DLG1: variants seen among roughly 807,000 people sequenced by gnomAD.
The protein encoded by DLG1 is discs large MAGUK scaffold protein 1.
DLG1 carries 42 observed loss-of-function variants against 123.4 expected under a neutral mutation model. That is an observed-to-expected ratio of 0.34 (90% confidence interval 0.27 to 0.44). The LOEUF is 0.44. Ranked by LOEUF, DLG1 falls within the 20% of genes least tolerant of loss-of-function variation. DLG1 has a pLI of 1.00. For synonymous variants in DLG1, 317 were observed against 356.2 expected (o/e 0.89, Z 1.24); for missense variants, 942 against 1,082.6 (o/e 0.87, Z 1.82).
intron 7 of DLG1, among the ~76,000 whole-genome samples, chr3:197,141,482 A>T (rs547823264): frequency 7.9e-5 from 12 of 152,348 alleles, no homozygotes; most frequent in African/African-American, 2.9e-4. Context: ...CAACTTGAGC[A>T]AGTGATCCGA....
At chr3:197,113,704 T>A (rs936605788) in intron 13 of DLG1, among the ~76,000 whole-genome samples, 1 of 152,202 alleles carries the variant, frequency 6.6e-6, no homozygotes, top group Non-Finnish European at 1.5e-5. Context: ...AATTTCTGTA[T>A]CTTAAAATCG....
chr3:197,247,566 T>C (rs1752365881), intron 4 of DLG1, among the ~76,000 whole-genome samples: 1 of 152,132 alleles, frequency 6.6e-6, no homozygotes, highest in African/African-American at 2.4e-5. Flanking sequence ...ACATACTTTA[T>C]TAAAAGTTGA....
At chr3:197,148,019 C>T (rs1791833312) in intron 6 of DLG1, among the ~76,000 whole-genome samples, 1 of 151,290 alleles carries the variant, frequency 6.6e-6, no homozygotes, top group Non-Finnish European at 1.5e-5. Context: ...AAAAGATAAA[C>T]ACCTAAAAGT....
chr3:197,263,736 G>A (rs758915091), intron 4 of DLG1, among the ~76,000 whole-genome samples: 4 of 151,002 alleles, frequency 2.6e-5, no homozygotes, highest in Admixed American at 1.3e-4. Flanking sequence ...GCAGTGAGCC[G>A]AGATCTCACC....
intron 15 of DLG1, among the ~76,000 whole-genome samples, chr3:197,089,344 T>C (rs1756333050): frequency 6.6e-6 from 1 of 152,026 alleles, no homozygotes; most frequent in African/African-American, 2.4e-5. Flanking sequence ...CTGGCAAACA[T>C]GGTGAAACCC....
At chr3:197,070,427 T>A (rs1056447079) in intron 18 of DLG1, 3 of 151,468 alleles carry the variant, frequency 2.0e-5, no homozygotes, top group Admixed American at 1.3e-4. Flanking sequence ...TTTGTTTTTT[T>A]TTTTTAATAA....
chr3:197,209,209 GTATA>G (rs1730121810), intron 4 of DLG1, among the ~76,000 whole-genome samples: 1 of 146,118 alleles, frequency 6.8e-6, no homozygotes. Flanking sequence ...AAAAGAAAAG[GTATA>G]TAAACTGTAA....
chr3:197,132,456 C>A (rs1346636086), intron 10 of DLG1, among the ~76,000 whole-genome samples: 1 of 152,168 alleles, frequency 6.6e-6, no homozygotes, highest in African/African-American at 2.4e-5. Flanking sequence ...GTAAAGGTCA[C>A]AGAATAATAA....
At chr3:197,125,537 G>A (rs1486858580) in intron 11 of DLG1, among the ~76,000 whole-genome samples, 1 of 152,116 alleles carries the variant, frequency 6.6e-6, no homozygotes, top group Non-Finnish European at 1.5e-5. Context: ...AATGACTGAA[G>A]GTCAAAATGA....
At chr3:197,297,596 G>C in intron 1 of DLG1, 1 of 1,018,800 alleles carries the variant, frequency 9.8e-7, no homozygotes. Context: ...CCCTGAGCCA[G>C]CAGCGGCCGC....
At chr3:197,262,244 G>C (rs568921527) in intron 4 of DLG1, among the ~76,000 whole-genome samples, 41 of 152,234 alleles carry the variant, frequency 2.7e-4, no homozygotes, top group Admixed American at 2.4e-3. Context: ...CCAGGAAAGG[G>C]GCAGGGGTTG....
At chr3:197,268,432 T>C (rs951356867) in intron 4 of DLG1, among the ~76,000 whole-genome samples, 7 of 152,176 alleles carry the variant, frequency 4.6e-5, no homozygotes, top group Non-Finnish European at 1.0e-4. Context: ...AACATTTCTT[T>C]TTTTGGAGAC....
chr3:197,274,094 G>GA (rs1265472814), intron 4 of DLG1, among the ~76,000 whole-genome samples: 1 of 152,046 alleles, frequency 6.6e-6, no homozygotes, highest in African/African-American at 2.4e-5. Flanking sequence ...CATAGAAATA[G>GA]AAAAAACAAG....
Position 197,297,079 on chromosome 3 carries a change from G to A in DLG1, c.19+107C>T, listed in dbSNP as rs560756280. On this transcript the variant is annotated intron_variant, in intron 2 of 24. Coordinates refer to ENST00000667157, the MANE Select transcript of DLG1 (RefSeq NM_001366207.1). ...TTCCCTAAGCAATAAAGCTAGGACC[G>A]TGCTGTCTCATCAAAGTTACACAAA... 1.7e-5 allele frequency: 20 copies of A among 1,195,390 alleles called. No homozygotes were observed. In the African/African-American group the frequency reaches 3.0e-4, roughly 18 times the overall value. The allele number at this position is 1,195,390 out of a possible 1,614,324, so 74.0% of individuals were successfully genotyped here. A position where few individuals can be genotyped will look rare whatever the true frequency, so the allele number is the denominator to read the frequency against.
intron 16 of DLG1, among the ~76,000 whole-genome samples, chr3:197,084,857 G>A (rs1465410800): frequency 6.6e-6 from 1 of 151,556 alleles, no homozygotes; most frequent in Non-Finnish European, 1.5e-5. Context: ...TGCAAACTCA[G>A]GTCACTGCAA....
intron 4 of DLG1, among the ~76,000 whole-genome samples, chr3:197,258,047 C>T (rs573451903): frequency 6.6e-6 from 1 of 152,116 alleles, no homozygotes; most frequent in Non-Finnish European, 1.5e-5. Context: ...GATTAAAGTA[C>T]ATAAAAATGT....
In DLG1 at chr3:197,251,562, G is replaced by A. The variant is rs115911982; in HGVS notation, c.318+31117C>T. On this transcript the variant is annotated intron_variant, in intron 4 of 24. Coordinates refer to ENST00000667157, the MANE Select transcript of DLG1 (RefSeq NM_001366207.1). ...AAGGACAGTCTCTTTAATAAATGAT[G>A]CTGGGAACACTGGATATCCATATGC... Among the ~76,000 whole-genome samples, 1,287 of 152,262 alleles carry A rather than the reference G, an allele frequency of 8.5e-3. 18 individuals are homozygous for A. The highest frequency in any genetic ancestry group is 0.029 in the African/African-American group (1,219 of 41,550).
At chr3:197,104,648 C>A (rs1256416373) in intron 14 of DLG1, among the ~76,000 whole-genome samples, 4 of 152,088 alleles carry the variant, frequency 2.6e-5, no homozygotes, top group African/African-American at 9.6e-5. Context: ...CACCACTGCA[C>A]TCCAGCCTGG....
chr3:197,087,593 AT>A (rs1755173115), intron 15 of DLG1, among the ~76,000 whole-genome samples: 1 of 152,306 alleles, frequency 6.6e-6, no homozygotes, highest in Admixed American at 6.5e-5. Context: ...TAAAATGACA[AT>A]AAAATACGAA....
Sources: gnomAD v4.1 joint callset for allele counts (sites outside exome capture counted in the v4.1 genomes callset) on GRCh38, gnomAD v4.1.1 for gene constraint, MANE v1.5 for transcripts, NCBI Gene and HGNC (gene_info 2026-07-23, HGNC 2026-07-21) for gene names.